FKBP5: variants seen among roughly 807,000 people sequenced by gnomAD.
FKBP5 encodes the protein peptidyl-prolyl cis-trans isomerase FKBP5.
In FKBP5, 23 loss-of-function variants were observed where a neutral mutation model predicts 50.5. That is an observed-to-expected ratio of 0.46 (90% confidence interval 0.33 to 0.65). The LOEUF (loss-of-function observed/expected upper bound fraction) is 0.65. Ranked by LOEUF, FKBP5 falls within the 30% of genes least tolerant of loss-of-function variation. The pLI, the probability that FKBP5 is intolerant of heterozygous loss-of-function variation, is 0.02. For synonymous variants in FKBP5, 176 were observed against 190.6 expected (o/e 0.92, Z 0.63); for missense variants, 411 against 553.1 (o/e 0.74, Z 2.58).
chr6:35,615,157 C>CT (rs1320848052), intron 5 of FKBP5, among the ~76,000 whole-genome samples: 6 of 126,992 alleles, frequency 4.7e-5, no homozygotes, highest in African/African-American at 7.6e-5. Context: ...ACAACAACTA[C>CT]ACACACACAC....
chr6:35,630,063 G>A (rs1764106716), intron 3 of FKBP5, among the ~76,000 whole-genome samples: 1 of 151,954 alleles, frequency 6.6e-6, no homozygotes, highest in Non-Finnish European at 1.5e-5. Flanking sequence ...TGAAGCCTAG[G>A]AGTTCAATGC....
At chr6:35,641,797 G>A (rs1157707003) in intron 2 of FKBP5, among the ~76,000 whole-genome samples, 1 of 152,046 alleles carries the variant, frequency 6.6e-6, no homozygotes, top group Non-Finnish European at 1.5e-5. Flanking sequence ...CTGAGGTCAG[G>A]AGTTCAAGAC....
intron 1 of FKBP5, among the ~76,000 whole-genome samples, chr6:35,674,231 A>C (rs1765470417): frequency 6.6e-6 from 1 of 152,228 alleles, no homozygotes; most frequent in Non-Finnish European, 1.5e-5. Context: ...GCAAATAAAG[A>C]AGCATAATGG....
intron 1 of FKBP5, among the ~76,000 whole-genome samples, chr6:35,676,918 A>G (rs374915075): frequency 9.9e-5 from 15 of 152,212 alleles, no homozygotes; most frequent in African/African-American, 3.6e-4. Context: ...AACAAAGGAG[A>G]TCACTTATAA....
chr6:35,575,806 A>T lies in FKBP5; in HGVS notation c.*29T>A, dbSNP rs201133428. The T allele has an allele frequency of 6.9e-7, 1 of 1,453,398 alleles. No homozygotes were observed. Among genetic ancestry groups the T allele is most frequent in the East Asian group, 2.3e-5 (1 of 44,106 alleles). 90.0% of individuals were successfully genotyped at this position (1,453,398 alleles called of 1,614,324 possible). A position where few individuals can be genotyped will look rare whatever the true frequency, so the allele number is the denominator to read the frequency against. On this transcript the variant is annotated 3_prime_UTR_variant, in exon 11 of 11. Coordinates refer to ENST00000357266, the MANE Select transcript of FKBP5 (RefSeq NM_004117.4). ...AGCCCATTGAGGAGGGGCCGAGTTC[A>T]CTGGGACTCTTCCCTCCTTGGCGTG... is the stretch of plus-strand genomic sequence containing the variant.
intron 5 of FKBP5, among the ~76,000 whole-genome samples, chr6:35,618,246 T>A (rs912076214): frequency 6.6e-6 from 1 of 152,206 alleles, no homozygotes; most frequent in African/African-American, 2.4e-5. Flanking sequence ...GTCCACAGAT[T>A]GAGAATTTCT....
chr6:35,673,930 T>C (rs544976825), intron 1 of FKBP5, among the ~76,000 whole-genome samples: 5 of 152,314 alleles, frequency 3.3e-5, no homozygotes, highest in East Asian at 1.9e-4. Flanking sequence ...GCTCATTCGG[T>C]AGCTGTGGAT....
intron 1 of FKBP5, among the ~76,000 whole-genome samples, chr6:35,724,183 G>T (rs962793956): frequency 6.6e-6 from 1 of 152,198 alleles, no homozygotes; most frequent in African/African-American, 2.4e-5. Flanking sequence ...GCTGCAGATA[G>T]ACCTGACTTC....
At chr6:35,576,866 A>C in intron 10 of FKBP5, 128 bp downstream of exon 10, 1 of 1,173,630 alleles carries the variant, frequency 8.5e-7, no homozygotes, top group South Asian at 1.5e-5. Flanking sequence ...AAGCAGCCTC[A>C]GATTAGATTG....
At chr6:35,678,887 G>A (rs1474909857) in intron 1 of FKBP5, among the ~76,000 whole-genome samples, 1 of 152,130 alleles carries the variant, frequency 6.6e-6, no homozygotes, top group Non-Finnish European at 1.5e-5. Context: ...TTTAAGACCA[G>A]CTTGAGCAAC....
chr6:35,591,350 C>A, intron 6 of FKBP5, 130 bp from the exon 7 acceptor site: 2 of 599,478 alleles, frequency 3.3e-6, no homozygotes, highest in South Asian at 2.1e-5. Context: ...GAAGACAAAC[C>A]AGATGTTGAC....
chr6:35,598,841 C>T (rs1057506689), intron 5 of FKBP5, among the ~76,000 whole-genome samples: 2 of 151,948 alleles, frequency 1.3e-5, no homozygotes, highest in African/African-American at 2.4e-5. Context: ...TGTGGTGGCA[C>T]GTGCCTGTAA....
chr6:35,670,117 T>G (rs1316933010), intron 1 of FKBP5, among the ~76,000 whole-genome samples: 1 of 152,220 alleles, frequency 6.6e-6, no homozygotes, highest in Non-Finnish European at 1.5e-5. Flanking sequence ...TAAAGAAAAC[T>G]TAATGACCTT....
intron 3 of FKBP5, among the ~76,000 whole-genome samples, chr6:35,629,552 A>G (rs1483064799): frequency 2.0e-5 from 3 of 152,244 alleles, no homozygotes; most frequent in Non-Finnish European, 2.9e-5. Flanking sequence ...CAGATATGGT[A>G]GCATTATCTG....
chr6:35,594,259 T>C (rs564038201), intron 6 of FKBP5, among the ~76,000 whole-genome samples: 1 of 151,342 alleles, frequency 6.6e-6, no homozygotes, highest in South Asian at 2.1e-4. Flanking sequence ...GAGCTTGAGG[T>C]GGGAGGATCC....
chr6:35,635,750 T>C (rs1346741983), intron 3 of FKBP5, among the ~76,000 whole-genome samples: 2 of 152,248 alleles, frequency 1.3e-5, no homozygotes, highest in Non-Finnish European at 2.9e-5. Flanking sequence ...TAGAATGTTA[T>C]ACATGTGGAA....
intron 3 of FKBP5, among the ~76,000 whole-genome samples, chr6:35,626,827 G>A (rs1764013531): frequency 1.3e-5 from 2 of 152,116 alleles, no homozygotes. Context: ...TCTTTAAAAC[G>A]TAAATATTCC....
intron 2 of FKBP5, among the ~76,000 whole-genome samples, chr6:35,694,684 G>C (rs1766054829): frequency 1.3e-5 from 2 of 152,118 alleles, no homozygotes; most frequent in African/African-American, 4.8e-5. Context: ...ACAGTCTATG[G>C]AAGCATTTTT....
chr6:35,618,997 A>G, intron 5 of FKBP5, 99 bp downstream of exon 5: 1 of 800,682 alleles, frequency 1.2e-6, no homozygotes, highest in East Asian at 2.6e-5. Flanking sequence ...CGCACAGCCG[A>G]TATATTCATT....
Sources: allele counts gnomAD v4.1 joint callset (sites outside exome capture counted in the v4.1 genomes callset), GRCh38; gene constraint gnomAD v4.1.1; transcripts MANE v1.5; gene names NCBI Gene and HGNC (gene_info 2026-07-23, HGNC 2026-07-21).